The following TTC13 variants were observed in gnomAD, a reference collection of about 807,000 sequenced individuals.
TTC13 encodes tetratricopeptide repeat domain 13.
TTC13 carries 62 observed loss-of-function variants against 120.0 expected under a neutral mutation model. The ratio of observed to expected loss-of-function variants is 0.52; its 90% CI spans 0.42 to 0.64. The LOEUF (loss-of-function observed/expected upper bound fraction) is 0.64. Among genes scored for constraint, TTC13 ranks in the 30% least tolerant of loss-of-function variants. The pLI, the probability that TTC13 is intolerant of heterozygous loss-of-function variation, is 0.00. For synonymous variants in TTC13, 384 were observed against 393.5 expected (o/e 0.98, Z 0.28); for missense variants, 824 against 1,050.2 (o/e 0.78, Z 2.98).
chr1:230,961,156 A>G, intron 2 of TTC13, 53 bp downstream of exon 2: 1 of 1,429,244 alleles, frequency 7.0e-7, no homozygotes. Flanking sequence ...TTTTGGAACT[A>G]GTATCACTGG....
At chr1:230,947,173 T>G (rs1205776759) in intron 4 of TTC13, among the ~76,000 whole-genome samples, 4 of 151,938 alleles carry the variant, frequency 2.6e-5, no homozygotes, top group African/African-American at 7.3e-5. Flanking sequence ...AAGCAGAAAG[T>G]AAAGGAGCCC....
At chr1:230,968,621 G>A (rs1467581343) in intron 1 of TTC13, among the ~76,000 whole-genome samples, 3 of 152,132 alleles carry the variant, frequency 2.0e-5, no homozygotes, top group African/African-American at 7.2e-5. Context: ...AGTCTGAATG[G>A]AGGCAGCAGC....
intron 1 of TTC13, among the ~76,000 whole-genome samples, chr1:230,969,344 G>A (rs1279355976): frequency 6.6e-6 from 1 of 152,152 alleles, no homozygotes; most frequent in African/African-American, 2.4e-5. Context: ...GTGAAGATGA[G>A]TATTTAAGAG....
intron 17 of TTC13, among the ~76,000 whole-genome samples, chr1:230,918,425 C>A (rs4846880): frequency 0.68 from 103,756 of 152,000 alleles, 35,502 homozygotes; most frequent in Admixed American, 0.72. Flanking sequence ...CTAGAGAAGG[C>A]CTGCCCCAAT....
intron 19 of TTC13, among the ~76,000 whole-genome samples, chr1:230,912,182 AG>A (rs918997352): frequency 1.3e-5 from 2 of 152,172 alleles, no homozygotes; most frequent in African/African-American, 4.8e-5. Flanking sequence ...AGACCAGGAA[AG>A]GGCCGCCAAG....
At chr1:230,915,321 C>T (rs1341654500) in intron 18 of TTC13, among the ~76,000 whole-genome samples, 1 of 151,000 alleles carries the variant, frequency 6.6e-6, no homozygotes, top group Non-Finnish European at 1.5e-5. Context: ...ATGGCACTTC[C>T]CAAGGCTATG....
In TTC13 at chr1:230,978,820, G is replaced by A. The variant is rs1035337033; in HGVS notation, c.11C>T (p.Ala4Val). 3.4e-6 allele frequency: 5 copies of A among 1,481,922 alleles called. No individual in the cohort carries two copies. In the African/African-American group the frequency reaches 4.4e-5, roughly 13 times the overall value. 91.8% of individuals were successfully genotyped at this position (1,481,922 alleles called of 1,614,324 possible). A position where few individuals can be genotyped will look rare whatever the true frequency, so the allele number is the denominator to read the frequency against. MAP[A>V]GCCCCCCFWG... ...GAAGCAGCAGCAGCAGCAGCAGCCGGCAGGTGCCATCTTCCCTCAAGGCGC... is the reference window on the plus strand; with the variant it reads ...GAAGCAGCAGCAGCAGCAGCAGCCGACAGGTGCCATCTTCCCTCAAGGCGC... The change falls in exon 1 of 23, where the codon GCC becomes GTC. Residue 4 changes from alanine (A) to valine (V), a missense_variant. This residue lies in a region of TTC13 where 160 missense variants were observed against 137.2 expected (regional missense o/e 1.17). Transcript: ENST00000366661. This position sits in a 1 kb window ranked among gnomAD's most constrained non-coding sequence, Gnocchi z 5.6.
chr1:230,975,529 G>A (rs1678200602), intron 1 of TTC13, among the ~76,000 whole-genome samples: 1 of 151,952 alleles, frequency 6.6e-6, no homozygotes, highest in Admixed American at 6.6e-5. Flanking sequence ...TTAAAGATAG[G>A]GCTTTGGCAA....
intron 2 of TTC13, among the ~76,000 whole-genome samples, chr1:230,959,569 C>CG (rs1676431600): frequency 6.6e-6 from 1 of 152,068 alleles, no homozygotes; most frequent in African/African-American, 2.4e-5. Context: ...TTAGTAGAGA[C>CG]GGGGTTTCTC....
chr1:230,955,417 A>C (rs528535185), intron 3 of TTC13, among the ~76,000 whole-genome samples: 41 of 151,662 alleles, frequency 2.7e-4, no homozygotes, highest in African/African-American at 9.4e-4. Flanking sequence ...TAATCCCAGC[A>C]CTTTGGGAGG....
rs756018712 is a variant in TTC13 at position 230,912,673 on chromosome 1, T to C, written c.2179A>G (p.Lys727Glu). 6.2e-7 allele frequency: 1 copy of C among 1,612,926 alleles called. No individual in the cohort carries two copies. Among genetic ancestry groups the C allele is most frequent in the Admixed American group, 1.7e-5 (1 of 59,904 alleles). ...LYHAEIDALY[K>E]DLTAKGKVLI... is the part of the protein sequence containing the mutation. ...ACTTTTCCTTTTGCTGTCAAATCTT[T>C]ATAAAGTGCATCTATTTCAGCATGA... Residue 727 changes from lysine to glutamate, a missense_variant, in exon 19 of 23, where the codon AAA becomes GAA. Coordinates refer to ENST00000366661, the MANE Select transcript of TTC13 (RefSeq NM_024525.5).
At chr1:230,949,404 TA>T (rs71668369) in intron 4 of TTC13, among the ~76,000 whole-genome samples, 20,688 of 48,178 alleles carry the variant, frequency 0.43, 6,203 homozygotes, top group Non-Finnish European at 0.48. Context: ...AATTTTAAAT[TA>T]AAAAAAAAAA....
intron 19 of TTC13, among the ~76,000 whole-genome samples, chr1:230,912,416 G>A (rs1054815794): frequency 6.6e-6 from 1 of 152,132 alleles, no homozygotes; most frequent in Admixed American, 6.5e-5. Context: ...TCATAGTGCA[G>A]TACTAAATTA....
chr1:230,906,878 T>C lies in TTC13; in HGVS notation c.*27A>G. On this transcript the variant is annotated 3_prime_UTR_variant, in exon 23 of 23. Transcript: ENST00000366661. ...ACTTAAGAAGCAAGAGGTCCGGCCC[T>C]TTACTTGTATAAATACAGCAGCAGA... 2.5e-6 allele frequency: 3 copies of C among 1,212,978 alleles called. No homozygotes were observed. Among genetic ancestry groups the C allele is most frequent in the African/African-American group, 3.2e-5 (2 of 63,396 alleles). 75.1% of individuals were successfully genotyped at this position (1,212,978 alleles called of 1,614,324 possible).
rs574278360 is a variant in TTC13, at chr1:230,941,632, T to G, written c.673-1076A>C. On this transcript the variant is annotated intron_variant, in intron 6 of 22. Coordinates refer to ENST00000366661, the MANE Select transcript of TTC13 (RefSeq NM_024525.5). The stretch of plus-strand genomic sequence containing the variant: ...CCATCCTTATTAGACAGGTTATTTC[T>G]ACCGAATTTTATAATTTCCTACTCT... Among the ~76,000 whole-genome samples, 14 of 152,320 alleles carry G rather than the reference T, an allele frequency of 9.2e-5. No individual in the cohort carries two copies. In the East Asian group the frequency reaches 2.7e-3, roughly 29 times the overall value.
At chr1:230,938,521 C>T (rs375796814) in intron 8 of TTC13, among the ~76,000 whole-genome samples, 118 of 152,326 alleles carry the variant, frequency 7.7e-4, no homozygotes, top group African/African-American at 2.6e-3. Context: ...GTTCAGATAG[C>T]TTTCCTGTTT....
At chr1:230,933,938 T>C in intron 8 of TTC13, 77 bp from the exon 9 acceptor site, 1 of 907,882 alleles carries the variant, frequency 1.1e-6, no homozygotes, top group Non-Finnish European at 1.7e-6. Flanking sequence ...TAAAAGGATT[T>C]AAATATATAT....
intron 19 of TTC13, 101 bp from the exon 20 acceptor site, chr1:230,911,650 A>T: frequency 1.6e-6 from 1 of 640,544 alleles, no homozygotes. Context: ...CAAGAAGAGG[A>T]TTGTTTTCTT....
chr1:230,949,649 T>G (rs1675354259), intron 4 of TTC13, among the ~76,000 whole-genome samples: 1 of 151,794 alleles, frequency 6.6e-6, no homozygotes, highest in Non-Finnish European at 1.5e-5. Context: ...TTCCTTTTTT[T>G]TTTATTTTTT....
Sources: allele counts gnomAD v4.1 joint callset (sites outside exome capture counted in the v4.1 genomes callset), GRCh38; gene constraint gnomAD v4.1.1; regional missense constraint gnomAD v4.1.1; non-coding constraint Gnocchi (gnomAD v3.1); transcripts MANE v1.5; gene names NCBI Gene and HGNC (gene_info 2026-07-23, HGNC 2026-07-21).